Variants in ZNF546 observed in about 807,000 individuals in gnomAD.
ZNF546 encodes zinc finger protein 546.
In ZNF546, 60 loss-of-function variants were observed where a neutral mutation model predicts 76.2. The observed-to-expected ratio is 0.79, with a 90% CI of 0.64 to 0.98. The LOEUF (loss-of-function observed/expected upper bound fraction) is 0.98. ZNF546 is among the 50% of genes least tolerant of loss of function. The pLI is 0.00. For missense variants in ZNF546, 936 were observed against 1,035.6 expected (o/e 0.90, Z 1.32); for synonymous variants, 277 against 328.1 (o/e 0.84, Z 1.68).
intron 6 of ZNF546, among the ~76,000 whole-genome samples, chr19:40,010,633 A>G (rs143073906): frequency 1.7e-3 from 259 of 152,154 alleles, no homozygotes; most frequent in African/African-American, 5.8e-3. Context: ...TCATCCATAT[A>G]TCTTCTTTGG....
At chr19:40,001,961 A>G (rs780681340) in intron 3 of ZNF546, among the ~76,000 whole-genome samples, 13 of 152,200 alleles carry the variant, frequency 8.5e-5, no homozygotes, top group Non-Finnish European at 1.5e-4. Context: ...ACCCTATGAG[A>G]TAGGTGCTGT....
At chr19:39,998,597 C>G in intron 3 of ZNF546, 187 bp downstream of exon 3, 2 of 550,554 alleles carry the variant, frequency 3.6e-6, no homozygotes, top group East Asian at 2.9e-5. Flanking sequence ...GCTTTTAAGG[C>G]TTTTAGAAGT....
In ZNF546 at chr19:40,013,826, G is replaced by A. The variant is rs766723970; in HGVS notation, c.556G>A (p.Glu186Lys). 4 of 1,613,546 alleles carry A rather than the reference G, an allele frequency of 2.5e-6. No homozygotes were observed. The highest frequency in any genetic ancestry group is 3.4e-6 in the Non-Finnish European group (4 of 1,179,802). The change falls in exon 7 of 7, where the codon GAG (glutamate) becomes AAG (lysine). Residue 186 changes from glutamate to lysine, a missense_variant. Glu to Lys is a moderately conservative substitution (Grantham distance 56). Transcript: ENST00000347077. Reference sequence around the variant, plus strand: ...GTGTAAACATGAATTTGAGAGACAAGAGAGACATCAGATGGGATGCGTTAG... The same window carrying A: ...GTGTAAACATGAATTTGAGAGACAAAAGAGACATCAGATGGGATGCGTTAG... ...LQCKHEFERQ[E>K]RHQMGCVSQM...
chr19:40,008,763 C>A (rs1313703098), intron 6 of ZNF546, among the ~76,000 whole-genome samples, 198 bp downstream of exon 6: 1 of 152,208 alleles, frequency 6.6e-6, no homozygotes, highest in African/African-American at 2.4e-5. Flanking sequence ...TTGCCATACT[C>A]CTTGTTTCTC....
intron 6 of ZNF546, 120 bp from the exon 7 acceptor site, chr19:40,013,545 T>A: frequency 1.2e-6 from 1 of 859,892 alleles, no homozygotes; most frequent in Non-Finnish European, 1.7e-6. Flanking sequence ...CTAATGTATG[T>A]TATTTCTGTT....
At position 40,018,921 on chromosome 19, in the gene ZNF546, T is replaced by C. The variant is rs867548932; in HGVS notation, c.*3140T>C. On this transcript the variant is annotated 3_prime_UTR_variant, in exon 7 of 7. Coordinates refer to ENST00000347077, the MANE Select transcript of ZNF546 (RefSeq NM_178544.5). ...CCTGCCCAAATTGCAGATTTACGTT[T>C]AAAATATGGCCTGTTTTAAGCCACT... is the stretch of plus-strand genomic sequence containing the variant. 6.6e-6 allele frequency: 1 copy of C among 152,258 alleles called. No homozygotes were observed. Among genetic ancestry groups the C allele is most frequent in the Admixed American group, 6.5e-5 (1 of 15,284 alleles). 9.4% of individuals were successfully genotyped at this position (152,258 alleles called of 1,614,324 possible). A position where few individuals can be genotyped will look rare whatever the true frequency, so the allele number is the denominator to read the frequency against.
intron 6 of ZNF546, 28 bp downstream of exon 6, chr19:40,008,593 G>T (rs373992591): frequency 3.2e-6 from 5 of 1,580,584 alleles, no homozygotes; most frequent in Non-Finnish European, 8.7e-7. Flanking sequence ...AGGCGGGAGG[G>T]TGCTATCACA....
In ZNF546 at chr19:40,005,846, T is replaced by C. The variant is rs563428080; in HGVS notation, c.85-250T>C. Among the ~76,000 whole-genome samples the C allele has an allele frequency of 4.6e-5, 7 of 152,326 alleles. No individual in the cohort carries two copies. The South Asian group carries it at 1.2e-3, about 27-fold the overall frequency. On this transcript the variant is annotated intron_variant, in intron 3 of 6. Transcript: ENST00000347077. ...GAGATAAATGCATTGCATGGTTAAA[T>C]GTTAATATGATAAAGGACCCATCAT...
At position 40,013,675 on chromosome 19, in the gene ZNF546, C is replaced by G; in HGVS notation, c.405C>G (p.Tyr135Ter). 1 of 676,050 alleles carries G rather than the reference C, an allele frequency of 1.5e-6. No homozygotes were observed. The allele number at this position is 676,050 out of a possible 1,614,324, so 41.9% of individuals were successfully genotyped here. Residue 135 changes from tyrosine to a stop codon, truncating the protein, a stop_gained, in exon 7 of 7, where the codon TAC becomes TAG. Coordinates refer to ENST00000347077, the MANE Select transcript of ZNF546 (RefSeq NM_178544.5). LOFTEE classifies it high-confidence loss of function. ...TTTTTTTTTTTGCAGATTTGGAATA[C>G]AAGTATATTACCAAGAATTTGCTTT... ...GTRNWFTDLEYKYITKNLLSE... is the reference protein window; with the variant it reads ...GTRNWFTDLE
Position 40,007,306 on chromosome 19 carries a change from C to T in ZNF546, c.204C>T (p.Asp68=), listed in dbSNP as rs1369416873. The change falls in exon 5 of 7, where the codon GAC becomes GAT. Residue 68 remains aspartate, a synonymous_variant. Transcript: ENST00000347077. ...VSLAFRDVSI[D]LSQEEWECLD... Reference sequence around the variant, plus strand: ...TGGCATTTAGGGATGTGTCCATAGACCTCTCCCAAGAGGAGTGGGAGTGCC... The same window carrying T: ...TGGCATTTAGGGATGTGTCCATAGATCTCTCCCAAGAGGAGTGGGAGTGCC... The T allele has an allele frequency of 6.2e-7, 1 of 1,602,304 alleles. No homozygotes were observed. Among genetic ancestry groups the T allele is most frequent in the Non-Finnish European group, 8.5e-7 (1 of 1,173,136 alleles).
At chr19:40,013,269 A>T (rs1971695164) in intron 6 of ZNF546, among the ~76,000 whole-genome samples, 1 of 152,184 alleles carries the variant, frequency 6.6e-6, no homozygotes, top group African/African-American at 2.4e-5. Context: ...CTCTTAAGTT[A>T]CAACTGTTTT....
chr19:40,000,664 T>G (rs1476865069), intron 3 of ZNF546, among the ~76,000 whole-genome samples: 2 of 151,118 alleles, frequency 1.3e-5, no homozygotes, highest in Non-Finnish European at 3.0e-5. Flanking sequence ...AATAAGATAG[T>G]AACAGCTACA....
intron 3 of ZNF546, chr19:39,999,554 A>C (rs1231479011): frequency 6.6e-6 from 1 of 151,824 alleles, no homozygotes; most frequent in Non-Finnish European, 1.5e-5. Context: ...CACTATTAAC[A>C]CTTTGGGGAG....
chr19:40,015,049 C>A lies in ZNF546; in HGVS notation c.1779C>A (p.Arg593=). 1 of 1,613,870 alleles carries A rather than the reference C, an allele frequency of 6.2e-7. No individual in the cohort carries two copies. Among genetic ancestry groups the A allele is most frequent in the Non-Finnish European group, 8.5e-7 (1 of 1,179,906 alleles). ...AATGTGGGAAGATTTTTAGTCGTCG[C>A]TATAATCTTACTCAACATTTTAAAA... ...CKECGKIFSR[R]YNLTQHFKIH... is the part of the protein sequence containing the mutation. Residue 593 remains arginine (R), a synonymous_variant, in exon 7 of 7, where the codon CGC becomes CGA. Coordinates refer to ENST00000347077, the MANE Select transcript of ZNF546 (RefSeq NM_178544.5).
At chr19:40,005,422 A>G (rs1477883752) in intron 3 of ZNF546, among the ~76,000 whole-genome samples, 1 of 152,098 alleles carries the variant, frequency 6.6e-6, no homozygotes, top group Non-Finnish European at 1.5e-5. Flanking sequence ...GCCATGTTTT[A>G]AGGTCCTACA....
chr19:40,014,311 TC>T lies in ZNF546; in HGVS notation c.1042del (p.Gln348LysfsTer141). ...FRLHYQLTEH[Q>X]RIHTGERPYE... ...GACTTCATTATCAACTAACTGAACA[TC>T]AAAGAATTCATACTGGTGAGAGGCC... On this transcript the variant is annotated frameshift_variant, in exon 7 of 7. Transcript: ENST00000347077. LOFTEE classifies it high-confidence loss of function. 1 of 1,613,918 alleles carries T rather than the reference TC, an allele frequency of 6.2e-7. No homozygotes were observed. The highest frequency in any genetic ancestry group is 8.5e-7 in the Non-Finnish European group (1 of 1,179,948).
rs1568388513 is a variant in ZNF546, at chr19:40,014,292, A to C, written c.1022A>C (p.His341Pro). The change falls in exon 7 of 7, where the codon CAT becomes CCT. Residue 341 changes from histidine (H) to proline (P), a missense_variant. By Grantham distance (77) the His-to-Pro change is moderately conservative. Coordinates refer to ENST00000347077, the MANE Select transcript of ZNF546 (RefSeq NM_178544.5). ...CKECGKAFRL[H>P]YQLTEHQRIH... ...GAATGTGGGAAGGCCTTTAGACTTC[A>C]TTATCAACTAACTGAACATCAAAGA... 1.2e-6 allele frequency: 2 copies of C among 1,610,322 alleles called. No homozygotes were observed. The highest frequency in any genetic ancestry group is 1.7e-6 in the Non-Finnish European group (2 of 1,178,678).
intron 3 of ZNF546, among the ~76,000 whole-genome samples, chr19:40,003,625 G>A (rs769209692): frequency 5.8e-4 from 88 of 152,104 alleles, no homozygotes; most frequent in Non-Finnish European, 7.8e-4. Flanking sequence ...ATAAGACATT[G>A]CAATATATTA....
rs534593384 is a variant in ZNF546, at chr19:40,001,655, C to T, written c.84+3245C>T. On this transcript the variant is annotated intron_variant, in intron 3 of 6. Transcript: ENST00000347077. ...GGGATTACAAGTGTGAGCCACCGCG[C>T]TCTACCAAGAAGAGATTTCTTGATT... Among the ~76,000 whole-genome samples the T allele has an allele frequency of 2.6e-5, 4 of 151,196 alleles. No homozygotes were observed. In the South Asian group the frequency reaches 6.2e-4, roughly 24 times the overall value.
Sources: gnomAD v4.1 joint callset for allele counts (sites outside exome capture counted in the v4.1 genomes callset) on GRCh38, gnomAD v4.1.1 for gene constraint, MANE v1.5 for transcripts, NCBI Gene and HGNC (gene_info 2026-07-23, HGNC 2026-07-21) for gene names.